Variants in OPRM1 observed in about 807,000 individuals in gnomAD.
OPRM1 encodes mu-type opioid receptor.
A neutral mutation model predicts 31.8 loss-of-function variants in OPRM1; 27 were observed. The observed-to-expected ratio is 0.85, with a 90% CI of 0.63 to 1.17. The LOEUF (loss-of-function observed/expected upper bound fraction) is 1.17, where lower values mean the gene tolerates loss of function less well. Ranked by LOEUF, OPRM1 falls within the 50% of genes most tolerant of loss-of-function variation. The probability of loss-of-function intolerance (pLI) is 0.00; values close to 1 mark genes in which losing one functional copy is unlikely to be tolerated. For synonymous variants in OPRM1, 196 were observed against 189.9 expected, an observed-to-expected ratio of 1.03 and a Z score of -0.26; for missense variants, 536 against 511.1, an observed-to-expected ratio of 1.05 and a Z score of -0.47.
At chr6:154,242,597 A>C (rs532187641) in intron 3 of OPRM1, among the ~76,000 whole-genome samples, 1 of 152,306 alleles carries the variant, frequency 6.6e-6, no homozygotes, top group South Asian at 2.1e-4. Context: ...GATAGTAAGA[A>C]AAGTATAGGC....
At chr6:154,115,557 A>G (rs1380098640) in intron 3 of OPRM1, among the ~76,000 whole-genome samples, 1 of 152,126 alleles carries the variant, frequency 6.6e-6, no homozygotes, top group African/African-American at 2.4e-5. Flanking sequence ...AAAAAGAGAG[A>G]GAGAGAGAAT....
intron 3 of OPRM1, among the ~76,000 whole-genome samples, chr6:154,197,473 A>C (rs995339669): frequency 1.4e-4 from 21 of 152,188 alleles, no homozygotes; most frequent in African/African-American, 4.8e-4. Context: ...CAAATCAATG[A>C]GAGAAAAAAA....
chr6:154,034,560 TA>T (rs1367693720), upstream of OPRM1, among the ~76,000 whole-genome samples: 2 of 151,828 alleles, frequency 1.3e-5, no homozygotes, highest in Non-Finnish European at 2.9e-5. Context: ...AATAAATAAA[TA>T]AATAAAATAA....
intron 1 of OPRM1, chr6:154,083,348 G>A (rs960877692): frequency 1.3e-5 from 2 of 152,216 alleles, no homozygotes; most frequent in Non-Finnish European, 2.9e-5. Context: ...AGATTAGCAG[G>A]AGAGGTAACA....
intron 1 of OPRM1, among the ~76,000 whole-genome samples, chr6:154,031,185 T>G (rs1228846388): frequency 1.3e-5 from 2 of 152,228 alleles, no homozygotes; most frequent in East Asian, 3.8e-4. Context: ...TTACTGTTAA[T>G]ATAAAATATT....
Position 154,124,402 on chromosome 6 carries a change from G to A in OPRM1, c.*5681G>A, listed in dbSNP as rs959484004. Among the ~76,000 whole-genome samples the A allele has an allele frequency of 2.0e-5, 3 of 152,110 alleles. No individual in the cohort carries two copies. The highest frequency in any genetic ancestry group is 7.2e-5 in the African/African-American group (3 of 41,410). ...TGCATTTCCTGTTACCTTGTACTGAGAACTTCATTAAAACCTGCACTTGAA... is the reference window on the plus strand; with the variant it reads ...TGCATTTCCTGTTACCTTGTACTGAAAACTTCATTAAAACCTGCACTTGAA... On this transcript the variant is annotated 3_prime_UTR_variant, in exon 4 of 4. Coordinates refer to ENST00000330432, the MANE Select transcript of OPRM1 (RefSeq NM_000914.5).
chr6:154,056,720 A>C (rs761727921), intron 1 of OPRM1, among the ~76,000 whole-genome samples: 1 of 152,118 alleles, frequency 6.6e-6, no homozygotes, highest in Non-Finnish European at 1.5e-5. Flanking sequence ...TGCTGGGTTC[A>C]GTGCCAGTGA....
chr6:154,054,297 A>T (rs1782779235), intron 1 of OPRM1, among the ~76,000 whole-genome samples: 1 of 139,376 alleles, frequency 7.2e-6, no homozygotes, highest in Non-Finnish European at 1.5e-5. Flanking sequence ...TGGACCCGGG[A>T]GGCGGAGCTT....
intron 3 of OPRM1, among the ~76,000 whole-genome samples, chr6:154,194,260 G>A (rs780279040): frequency 3.3e-5 from 5 of 152,088 alleles, no homozygotes; most frequent in Admixed American, 1.3e-4. Flanking sequence ...TTAGCCAGGC[G>A]TGGTGGCGCA....
At chr6:154,203,135 C>T (rs1221638128) in intron 3 of OPRM1, among the ~76,000 whole-genome samples, 1 of 152,206 alleles carries the variant, frequency 6.6e-6, no homozygotes, top group East Asian at 1.9e-4. Context: ...TCACTGCCTT[C>T]TGTGAACCAT....
intron 1 of OPRM1, among the ~76,000 whole-genome samples, chr6:154,071,445 A>AT (rs1786700648): frequency 1.3e-5 from 2 of 152,070 alleles, no homozygotes; most frequent in Non-Finnish European, 2.9e-5. Context: ...CTAATTGCTG[A>AT]TTTTTGTCAG....
chr6:154,023,547 C>G (rs959683549), intron 1 of OPRM1, among the ~76,000 whole-genome samples: 46 of 151,972 alleles, frequency 3.0e-4, no homozygotes, highest in African/African-American at 9.7e-4. Context: ...CTTTCTTTCT[C>G]TTGTCTGATT....
intron 3 of OPRM1, among the ~76,000 whole-genome samples, chr6:154,106,716 C>G (rs1795631002): frequency 6.6e-6 from 1 of 152,116 alleles, no homozygotes; most frequent in South Asian, 2.1e-4. Context: ...AAATCTCTTT[C>G]TTTATAATCT....
At chr6:154,202,589 C>T (rs1777160132) in intron 3 of OPRM1, among the ~76,000 whole-genome samples, 1 of 152,188 alleles carries the variant, frequency 6.6e-6, no homozygotes, top group South Asian at 2.1e-4. Context: ...CTCCTGCTGA[C>T]TCTACTTTAA....
In OPRM1 at chr6:154,168,808, G is replaced by T. The variant is rs935540743; in HGVS notation, c.1164+77336G>T. 8.6e-5 allele frequency among the ~76,000 whole-genome samples: 13 copies of T among 151,710 alleles called. No homozygotes were observed. The highest frequency in any genetic ancestry group is 1.9e-4 in the Non-Finnish European group (13 of 67,942). ...TTTAGTACAGACAGGGTTTCACCAT[G>T]TTGCCCAGGCTGGTCTTGAACTCCT... On this transcript the variant is annotated intron_variant, in intron 3 of 3. Transcript: ENST00000337049. This position sits in a 1 kb window ranked among gnomAD's most constrained non-coding sequence, Gnocchi z 4.1.
At chr6:154,050,087 T>C (rs748394115) in intron 1 of OPRM1, among the ~76,000 whole-genome samples, 28 of 152,332 alleles carry the variant, frequency 1.8e-4, no homozygotes, top group Admixed American at 1.2e-3. Flanking sequence ...GTATTAGTTC[T>C]TCTTCAAGTA....
chr6:154,039,087 T>G, upstream of OPRM1: 2 of 1,462,090 alleles, frequency 1.4e-6, no homozygotes, highest in Non-Finnish European at 1.8e-6. Context: ...TTAGCCCCCT[T>G]TCTTATTTTT....
chr6:154,111,275 G>A (rs993506363), intron 3 of OPRM1, among the ~76,000 whole-genome samples: 4 of 152,078 alleles, frequency 2.6e-5, no homozygotes, highest in African/African-American at 9.7e-5. Context: ...AGCTCCCAAG[G>A]TTTTCTGTAT....
At chr6:154,234,316 G>T (rs1779948939) in intron 3 of OPRM1, among the ~76,000 whole-genome samples, 1 of 152,124 alleles carries the variant, frequency 6.6e-6, no homozygotes, top group Non-Finnish European at 1.5e-5. Flanking sequence ...ATGAAGCTTT[G>T]GTTACCCACA....
Sources: allele counts gnomAD v4.1 joint callset (sites outside exome capture counted in the v4.1 genomes callset), GRCh38; gene constraint gnomAD v4.1.1; non-coding constraint Gnocchi (gnomAD v3.1); transcripts MANE v1.5; gene names NCBI Gene and HGNC (gene_info 2026-07-23, HGNC 2026-07-21).